Variants in LIN7A observed in about 807,000 individuals in gnomAD.
The protein encoded by LIN7A is protein lin-7 homolog A.
A neutral mutation model predicts 29.8 loss-of-function variants in LIN7A; 25 were observed. The observed-to-expected ratio is 0.84, with a 90% confidence interval of 0.61 to 1.17. The LOEUF (loss-of-function observed/expected upper bound fraction) is 1.17, where lower values mean the gene tolerates loss of function less well. LIN7A is among the 50% of genes most tolerant of loss of function. LIN7A has a pLI of 0.00. For synonymous variants in LIN7A, 118 were observed against 107.5 expected, an observed-to-expected ratio of 1.10 and a Z score of -0.60; for missense variants, 239 against 287.0, an observed-to-expected ratio of 0.83 and a Z score of 1.21.
At chr12:80,903,758 T>C (rs1876341258) in intron 1 of LIN7A, among the ~76,000 whole-genome samples, 1 of 152,092 alleles carries the variant, frequency 6.6e-6, no homozygotes, top group Non-Finnish European at 1.5e-5. Context: ...CTTTGAGGAA[T>C]CTCTATACTG....
At chr12:80,825,219 A>T (rs1027923935) in intron 4 of LIN7A, among the ~76,000 whole-genome samples, 2 of 152,168 alleles carry the variant, frequency 1.3e-5, no homozygotes, top group South Asian at 4.1e-4. Context: ...GGAAGGAGAG[A>T]TCTGAGTGAT....
intron 5 of LIN7A, among the ~76,000 whole-genome samples, chr12:80,801,152 GATT>G (rs1275186482): frequency 1.3e-5 from 2 of 151,952 alleles, no homozygotes; most frequent in African/African-American, 4.8e-5. Context: ...AATGAAGTGA[GATT>G]ATAGCTGAAA....
chr12:80,869,010 A>C (rs1346502095), intron 2 of LIN7A, among the ~76,000 whole-genome samples: 1 of 152,164 alleles, frequency 6.6e-6, no homozygotes, highest in Non-Finnish European at 1.5e-5. Context: ...TATGTAATCT[A>C]AACCATGACA....
intron 1 of LIN7A, among the ~76,000 whole-genome samples, chr12:80,909,563 A>G (rs1876649504): frequency 6.6e-6 from 1 of 152,036 alleles, no homozygotes; most frequent in Admixed American, 6.6e-5. Flanking sequence ...TTTCTCACAG[A>G]TGGCATCTTT....
intron 4 of LIN7A, among the ~76,000 whole-genome samples, chr12:80,839,706 T>C (rs1872726677): frequency 6.6e-6 from 1 of 152,236 alleles, no homozygotes; most frequent in Non-Finnish European, 1.5e-5. Flanking sequence ...CTAATTTTTA[T>C]TTCATCTTCA....
chr12:80,922,327 C>T (rs1395381715), intron 1 of LIN7A, among the ~76,000 whole-genome samples: 1 of 152,186 alleles, frequency 6.6e-6, no homozygotes, highest in Non-Finnish European at 1.5e-5. Context: ...TGTCAAGATT[C>T]TCTCTTCATG....
chr12:80,891,801 G>C (rs1278305910), intron 1 of LIN7A, among the ~76,000 whole-genome samples: 1 of 152,164 alleles, frequency 6.6e-6, no homozygotes, highest in African/African-American at 2.4e-5. Context: ...GAGAAGGAGG[G>C]AAGAATGTTC....
rs761659698 is a variant in LIN7A at position 80,792,854 on chromosome 12, T to C, written c.*4873A>G. The C allele has an allele frequency of 3.9e-5, 6 of 152,194 alleles. No individual in the cohort carries two copies. The highest frequency in any genetic ancestry group is 8.8e-5 in the Non-Finnish European group (6 of 68,024). 9.4% of individuals were successfully genotyped at this position (152,194 alleles called of 1,614,324 possible). A position where few individuals can be genotyped will look rare whatever the true frequency, so the allele number is the denominator to read the frequency against. On this transcript the variant is annotated 3_prime_UTR_variant, in exon 6 of 6. Coordinates refer to ENST00000552864, the MANE Select transcript of LIN7A (RefSeq NM_004664.4). The stretch of plus-strand genomic sequence containing the variant: ...TTATCACATGTCAGAAATTTTCTGG[T>C]CTGTACCTTTAACCATGTTCCTGGC...
chr12:80,802,897 G>A (rs1870789137), intron 5 of LIN7A, among the ~76,000 whole-genome samples: 1 of 152,118 alleles, frequency 6.6e-6, no homozygotes, highest in Non-Finnish European at 1.5e-5. Context: ...TAGTGACAAT[G>A]AGCATTTTTC....
chr12:80,855,159 C>T (rs1271540039), intron 2 of LIN7A, among the ~76,000 whole-genome samples: 1 of 151,636 alleles, frequency 6.6e-6, no homozygotes, highest in Non-Finnish European at 1.5e-5. Context: ...AACAAAGTGA[C>T]ATTAGACCAA....
rs1870291342 is a variant in LIN7A, at chr12:80,793,293, C to T, written c.*4434G>A. 1 of 152,170 alleles carries T rather than the reference C, an allele frequency of 6.6e-6. No individual in the cohort carries two copies. Among genetic ancestry groups the T allele is most frequent in the African/African-American group, 2.4e-5 (1 of 41,436 alleles). 9.4% of individuals were successfully genotyped at this position (152,170 alleles called of 1,614,324 possible). On this transcript the variant is annotated 3_prime_UTR_variant, in exon 6 of 6. Transcript: ENST00000552864. ...GCACAGTGGCTAGAAAATAGAGCTG[C>T]ATAAATGTTAGTTATGAATAAATTA...
chr12:80,931,327 C>T (rs865909427), intron 1 of LIN7A, among the ~76,000 whole-genome samples: 1 of 152,138 alleles, frequency 6.6e-6, no homozygotes, highest in Non-Finnish European at 1.5e-5. Context: ...GAGTCATTCT[C>T]TTTGTAACTT....
intron 4 of LIN7A, among the ~76,000 whole-genome samples, chr12:80,837,971 A>C (rs1592879742): frequency 1.3e-5 from 2 of 152,138 alleles, no homozygotes; most frequent in East Asian, 3.9e-4. Flanking sequence ...CTCTACAAAT[A>C]ATTGTTGAAT....
At chr12:80,920,514 C>T (rs1156928903) in intron 1 of LIN7A, among the ~76,000 whole-genome samples, 1 of 151,938 alleles carries the variant, frequency 6.6e-6, no homozygotes, top group African/African-American at 2.4e-5. Flanking sequence ...TACTCTAAAC[C>T]CTAGGGCCAA....
At chr12:80,802,043 C>T (rs1426597025) in intron 5 of LIN7A, among the ~76,000 whole-genome samples, 1 of 151,890 alleles carries the variant, frequency 6.6e-6, no homozygotes, top group Non-Finnish European at 1.5e-5. Flanking sequence ...ATTAGAGGTG[C>T]ACCACCACAC....
intron 4 of LIN7A, among the ~76,000 whole-genome samples, chr12:80,843,050 C>T (rs1008787180): frequency 5.3e-5 from 8 of 152,050 alleles, no homozygotes; most frequent in African/African-American, 1.7e-4. Context: ...AAAAATGATG[C>T]TTTACTTATT....
Position 80,816,428 on chromosome 12 carries a change from A to T in LIN7A, c.484-4745T>A, listed in dbSNP as rs568910010. 2.0e-4 allele frequency among the ~76,000 whole-genome samples: 30 copies of T among 151,924 alleles called. No homozygotes were observed. In the South Asian group the frequency reaches 6.0e-3, roughly 30 times the overall value. On this transcript the variant is annotated intron_variant, in intron 4 of 5. Coordinates refer to ENST00000552864, the MANE Select transcript of LIN7A (RefSeq NM_004664.4). Reference sequence around the variant, plus strand: ...TCTGTCTCAAAAAAAAAAAGTGTATATATACACACTCACACACACACACTA... The same window carrying T: ...TCTGTCTCAAAAAAAAAAAGTGTATTTATACACACTCACACACACACACTA...
chr12:80,931,487 CA>C (rs1355782358), intron 1 of LIN7A, among the ~76,000 whole-genome samples: 43 of 151,966 alleles, frequency 2.8e-4, no homozygotes, highest in African/African-American at 8.9e-4. Context: ...TTAAAAAATA[CA>C]AAAACATCAG....
At chr12:80,896,254 A>G (rs912004336) in intron 1 of LIN7A, among the ~76,000 whole-genome samples, 1 of 152,200 alleles carries the variant, frequency 6.6e-6, no homozygotes, top group African/African-American at 2.4e-5. Context: ...CTACATGTGG[A>G]AGGTCAGACA....
Sources: allele counts gnomAD v4.1 joint callset (sites outside exome capture counted in the v4.1 genomes callset), GRCh38; gene constraint gnomAD v4.1.1; transcripts MANE v1.5; gene names NCBI Gene and HGNC (gene_info 2026-07-23, HGNC 2026-07-21).